Variants in MORN1 observed in about 807,000 individuals in gnomAD.
MORN1 encodes the protein MORN repeat-containing protein 1.
MORN1 carries 67 observed loss-of-function variants against 61.9 expected under a neutral mutation model. The ratio of observed to expected loss-of-function variants is 1.08; its 90% CI spans 0.89 to 1.33. MORN1 has a LOEUF of 1.33. MORN1 is among the 40% of genes most tolerant of loss of function. The pLI is 0.00. For synonymous variants in MORN1, 301 were observed against 292.0 expected (o/e 1.03, Z -0.31); for missense variants, 752 against 691.2 (o/e 1.09, Z -0.99).
chr1:2,359,907 G>C (rs940270235), intron 8 of MORN1, among the ~76,000 whole-genome samples: 3 of 151,188 alleles, frequency 2.0e-5, no homozygotes, highest in Admixed American at 2.0e-4. Flanking sequence ...GGAAACAAAA[G>C]AAGAAGAGGA....
At chr1:2,385,697 G>A in intron 5 of MORN1, 110 bp downstream of exon 5, 1 of 992,462 alleles carries the variant, frequency 1.0e-6, no homozygotes, top group Non-Finnish European at 1.6e-6. Flanking sequence ...GGCCGGAACA[G>A]GCCCGGGGTG....
At chr1:2,349,864 A>C (rs555007220) in intron 10 of MORN1, among the ~76,000 whole-genome samples, 1 of 152,216 alleles carries the variant, frequency 6.6e-6, no homozygotes, top group Non-Finnish European at 1.5e-5. Context: ...TCCGTTGAAA[A>C]TATTCACTGG....
intron 12 of MORN1, among the ~76,000 whole-genome samples, chr1:2,330,952 C>T (rs1484448387): frequency 6.6e-6 from 1 of 152,250 alleles, no homozygotes; most frequent in East Asian, 1.9e-4. Context: ...TTTTCAGAAC[C>T]GACAGGGCTT....
intron 8 of MORN1, among the ~76,000 whole-genome samples, chr1:2,362,908 A>T (rs779145904): frequency 6.6e-5 from 10 of 152,192 alleles, no homozygotes; most frequent in Non-Finnish European, 1.2e-4. Flanking sequence ...GACATACAAA[A>T]GCGGAAAGAA....
intron 8 of MORN1, among the ~76,000 whole-genome samples, chr1:2,362,246 A>G (rs2100315711): frequency 6.6e-6 from 1 of 152,258 alleles, no homozygotes; most frequent in East Asian, 1.9e-4. Flanking sequence ...AAAACAAAAA[A>G]CATATTTACT....
rs1641804493 is a variant in MORN1 at position 2,357,596 on chromosome 1, C to T, written c.872G>A (p.Gly291Glu). 1 of 1,589,216 alleles carries T rather than the reference C, an allele frequency of 6.3e-7. No homozygotes were observed. Among genetic ancestry groups the T allele is most frequent in the Admixed American group, 1.8e-5 (1 of 56,782 alleles). The stretch of plus-strand genomic sequence containing the variant: ...CACAGGATAAGGGATGCATTCGAAC[C>T]CACTGCAAAGGAATGGGGGCAGCTT... ...NQETLIQTPF[G>E]FECIPYPVSS... Residue 291 changes from glycine (G) to glutamate (E), a missense_variant and splice_region_variant, in exon 10 of 14, where the codon GGG becomes GAG. Transcript: ENST00000378531. The surrounding 1 kb of genome is among the most constrained non-coding windows in gnomAD (Gnocchi z 6.3).
chr1:2,390,610 G>A (rs780248939), intron 1 of MORN1: 74 of 985,266 alleles, frequency 7.5e-5, no homozygotes, highest in Non-Finnish European at 8.8e-5. Flanking sequence ...AAAATGTCGG[G>A]GAGGAGGGCA....
intron 6 of MORN1, chr1:2,377,936 C>G (rs1336224133): frequency 6.6e-6 from 1 of 152,310 alleles, no homozygotes; most frequent in Non-Finnish European, 1.5e-5. Flanking sequence ...CGAGGACCAG[C>G]TGCCCAGCCC....
In MORN1 at chr1:2,372,066, C is replaced by T. The variant is rs1300657732; in HGVS notation, c.745+415G>A. 4.5e-6 allele frequency: 1 copy of T among 222,776 alleles called. No homozygotes were observed. Among genetic ancestry groups the T allele is most frequent in the Non-Finnish European group, 9.2e-6 (1 of 109,086 alleles). The allele number at this position is 222,776 out of a possible 1,614,324, so 13.8% of individuals were successfully genotyped here. ...TCATAACAGCCCAAGGTACAAACAACTGCGATGGCCAGCAGCGGATGAGTG... is the reference window on the plus strand; with the variant it reads ...TCATAACAGCCCAAGGTACAAACAATTGCGATGGCCAGCAGCGGATGAGTG... On this transcript the variant is annotated intron_variant, in intron 8 of 13. Coordinates refer to ENST00000378531, the MANE Select transcript of MORN1 (RefSeq NM_024848.3). The surrounding 1 kb of genome is among the most constrained non-coding windows in gnomAD (Gnocchi z 5.4).
At position 2,386,747 on chromosome 1, in the gene MORN1, G is replaced by A. The variant is rs1245693046; in HGVS notation, c.358+672C>T. On this transcript the variant is annotated intron_variant, in intron 4 of 13. Transcript: ENST00000378531. ...CCTGGCCTCTGCTTCTTAACATAAGGAAAACACTGGAAAAAGAAGCTCCGT... is the reference window on the plus strand; with the variant it reads ...CCTGGCCTCTGCTTCTTAACATAAGAAAAACACTGGAAAAAGAAGCTCCGT... 4 of 152,780 alleles carry A rather than the reference G, an allele frequency of 2.6e-5. No homozygotes were observed. In the East Asian group the frequency reaches 7.7e-4, roughly 29 times the overall value. 9.5% of individuals were successfully genotyped at this position (152,780 alleles called of 1,614,324 possible).
intron 10 of MORN1, chr1:2,351,682 C>T (rs1641650988): frequency 4.7e-6 from 2 of 428,616 alleles, no homozygotes; most frequent in Non-Finnish European, 9.2e-6. Flanking sequence ...TCTTCACGTG[C>T]TGGTTGCTTC....
At chr1:2,341,103 G>A (rs989979669) in intron 10 of MORN1, among the ~76,000 whole-genome samples, 1 of 152,214 alleles carries the variant, frequency 6.6e-6, no homozygotes, top group Non-Finnish European at 1.5e-5. Context: ...ACACCACCTC[G>A]GTCTGGTGGC....
chr1:2,352,074 T>C lies in MORN1; in HGVS notation c.1036+5358A>G, dbSNP rs1641662154. 1.7e-5 allele frequency: 9 copies of C among 521,658 alleles called. No homozygotes were observed. The Admixed American group carries it at 2.2e-4, about 13-fold the overall frequency. The allele number at this position is 521,658 out of a possible 1,614,324, so 32.3% of individuals were successfully genotyped here. ...AAGACCCTAGCATACTGTTGATCCA[T>C]CTCAGTCACTTTTTCCCCTGCAATG... On this transcript the variant is annotated intron_variant, in intron 10 of 13. Transcript: ENST00000378531.
rs370478824 is a variant in MORN1, at chr1:2,326,983, C to A, written c.1251-2840G>T. ...CAGACGCGCGCTGTGGACACACTGG[C>A]GCCCACACAGAGACACAGAAACACA... On this transcript the variant is annotated intron_variant, in intron 12 of 13. Transcript: ENST00000378531. Among the ~76,000 whole-genome samples, 9 of 152,188 alleles carry A rather than the reference C, an allele frequency of 5.9e-5. No individual in the cohort carries two copies. The East Asian group carries it at 7.7e-4, about 13-fold the overall frequency.
At chr1:2,341,781 CAG>C (rs1641401273) in intron 10 of MORN1, among the ~76,000 whole-genome samples, 2 of 152,248 alleles carry the variant, frequency 1.3e-5, no homozygotes, top group South Asian at 2.1e-4. Context: ...AGCCGAGGTG[CAG>C]AGACACCTTC....
chr1:2,383,461 T>C (rs998514904), intron 6 of MORN1, among the ~76,000 whole-genome samples: 2 of 152,226 alleles, frequency 1.3e-5, no homozygotes, highest in Admixed American at 6.5e-5. Context: ...TTCCTCCTAG[T>C]TCCAGGGACC....
chr1:2,387,080 G>GC (rs1377966988), intron 4 of MORN1: 9 of 345,372 alleles, frequency 2.6e-5, no homozygotes, highest in Non-Finnish European at 3.9e-5. Flanking sequence ...CAGACCAGAA[G>GC]CCCCTCCCTG....
intron 10 of MORN1, among the ~76,000 whole-genome samples, chr1:2,348,860 CAT>C (rs1422743902): frequency 2.0e-5 from 3 of 152,154 alleles, no homozygotes; most frequent in African/African-American, 7.2e-5. Context: ...CACGCACAGT[CAT>C]GTGCACGCAC....
chr1:2,344,086 G>C (rs1641458535), intron 10 of MORN1, among the ~76,000 whole-genome samples: 1 of 152,194 alleles, frequency 6.6e-6, no homozygotes, highest in African/African-American at 2.4e-5. Flanking sequence ...GAGTGTGGGA[G>C]GGCCTGGTCC....
Sources: gnomAD v4.1 joint callset for allele counts (sites outside exome capture counted in the v4.1 genomes callset) on GRCh38, gnomAD v4.1.1 for gene constraint, Gnocchi (gnomAD v3.1) non-coding constraint, MANE v1.5 for transcripts, NCBI Gene and HGNC (gene_info 2026-07-23, HGNC 2026-07-21) for gene names.